PLXNB2: variants seen among roughly 807,000 people sequenced by gnomAD.
The protein encoded by PLXNB2 is plexin-B2.
PLXNB2 carries 85 observed loss-of-function variants against 202.6 expected under a neutral mutation model. The observed-to-expected ratio is 0.42, with a 90% CI of 0.35 to 0.50. The LOEUF (loss-of-function observed/expected upper bound fraction) is 0.50. Ranked by LOEUF, PLXNB2 falls within the 20% of genes least tolerant of loss-of-function variation. The probability of loss-of-function intolerance (pLI) is 0.02; values close to 1 mark genes in which losing one functional copy is unlikely to be tolerated. For synonymous variants in PLXNB2, 1,239 were observed against 1,137.6 expected (o/e 1.09, Z -1.79); for missense variants, 2,063 against 2,586.2 (o/e 0.80, Z 4.39).
In PLXNB2 at chr22:50,282,185, G is replaced by A. The variant is rs372167877; in HGVS notation, c.3116C>T (p.Thr1039Met). Residue 1039 changes from threonine (T) to methionine (M), a missense_variant and splice_region_variant, in exon 19 of 37, where the codon ACG becomes ATG. Physicochemically the swap from Thr to Met is moderately conservative, Grantham distance 81. Around this residue, in one of 2 missense-constraint regions of PLXNB2, gnomAD observed 760 missense variants for 1,109.4 expected, o/e 0.69. Transcript: ENST00000359337. ...AGCTGAGCCCACGCCAGGACTGACC[G>A]TCATGGGCTGCAGGGATTCAGCCTC... ...PREAESLQPM[T>M]VVGTDYVFHN... The A allele has an allele frequency of 4.5e-5, 72 of 1,609,358 alleles. No individual in the cohort carries two copies. Among genetic ancestry groups the A allele is most frequent in the African/African-American group, 1.1e-4 (8 of 74,894 alleles).
At chr22:50,292,801 C>T (rs867138819) in intron 2 of PLXNB2, among the ~76,000 whole-genome samples, 3 of 152,196 alleles carry the variant, frequency 2.0e-5, no homozygotes, top group South Asian at 2.1e-4. Context: ...AAGACGCAAC[C>T]GACCGACAAC....
chr22:50,281,828 G>T, intron 20 of PLXNB2, 26 bp downstream of exon 20: 1 of 1,599,984 alleles, frequency 6.3e-7, no homozygotes, highest in South Asian at 1.1e-5. Context: ...GCAGGACCCA[G>T]ACACCCGGGG....
chr22:50,303,511 C>G (rs2067783580), intron 1 of PLXNB2, among the ~76,000 whole-genome samples: 1 of 152,206 alleles, frequency 6.6e-6, no homozygotes, highest in Non-Finnish European at 1.5e-5. Flanking sequence ...ACACAAGGCT[C>G]GTGGGCAGGA....
Position 50,276,885 on chromosome 22 carries a change from G to A in PLXNB2, c.5218C>T (p.Leu1740=). 1 of 1,602,496 alleles carries A rather than the reference G, an allele frequency of 6.2e-7. No individual in the cohort carries two copies. The highest frequency in any genetic ancestry group is 8.5e-7 in the Non-Finnish European group (1 of 1,174,468). ...TAGGTGGAGATCTCCTTGGCGTACA[G>A]CAGCTTGTTGCTGGGAGAATCCTGT... is the stretch of plus-strand genomic sequence containing the variant. ...LSRDSPSNKL[L]YAKEISTYKK... The change falls in exon 34 of 37, where the codon CTG becomes TTG. Residue 1740 remains leucine (L), a synonymous_variant. Coordinates refer to ENST00000359337, the MANE Select transcript of PLXNB2 (RefSeq NM_012401.4).
rs2066257952 is a variant in PLXNB2 at position 50,284,321 on chromosome 22, G to A, written c.2182-108C>T. On this transcript the variant is annotated intron_variant, in intron 12 of 36. Coordinates refer to ENST00000359337, the MANE Select transcript of PLXNB2 (RefSeq NM_012401.4). This position sits in a 1 kb window ranked among gnomAD's most constrained non-coding sequence, Gnocchi z 8.0. ...GGCCACCGGGTCCCTTCCCAGCCAA[G>A]GGCAGCAGGGGAGGCCTTCAGGTGT... 9.4e-7 allele frequency: 1 copy of A among 1,060,104 alleles called. No homozygotes were observed. The highest frequency in any genetic ancestry group is 2.4e-5 in the East Asian group (1 of 42,266). 65.7% of individuals were successfully genotyped at this position (1,060,104 alleles called of 1,614,324 possible). A position where few individuals can be genotyped will look rare whatever the true frequency, so the allele number is the denominator to read the frequency against.
intron 7 of PLXNB2, 48 bp downstream of exon 7, chr22:50,287,619 C>A (rs930333880): frequency 6.7e-7 from 1 of 1,502,748 alleles, no homozygotes; most frequent in African/African-American, 1.4e-5. Flanking sequence ...GAGCCCCCAC[C>A]TGGCCCGGCC....
chr22:50,284,252 C>A lies in PLXNB2; in HGVS notation c.2182-39G>T. The A allele has an allele frequency of 6.4e-7, 1 of 1,569,784 alleles. No homozygotes were observed. The highest frequency in any genetic ancestry group is 8.8e-7 in the Non-Finnish European group (1 of 1,141,200). On this transcript the variant is annotated intron_variant, in intron 12 of 36. Transcript: ENST00000359337. This position sits in a 1 kb window ranked among gnomAD's most constrained non-coding sequence, Gnocchi z 8.0. ...AGGGGCACACTGCACTTCCTGCCCCCACAGAGGGGCGTGGGGCGGGGGTCA... is the reference window on the plus strand; with the variant it reads ...AGGGGCACACTGCACTTCCTGCCCCAACAGAGGGGCGTGGGGCGGGGGTCA...
At chr22:50,276,789 C>T in intron 34 of PLXNB2, 53 bp downstream of exon 34, 2 of 1,595,424 alleles carry the variant, frequency 1.3e-6, no homozygotes, top group South Asian at 1.1e-5. Context: ...AACCTCCCCG[C>T]AGGGGGTCGA....
In PLXNB2 at chr22:50,284,111, C is replaced by A. The variant is rs2066239393; in HGVS notation, c.2263+21G>T. The stretch of plus-strand genomic sequence containing the variant: ...GCCCACCCGTCCCCTGCCCGCCCCC[C>A]ACTGCGCCCGTGGCCCCCACCATGG... On this transcript the variant is annotated intron_variant, in intron 13 of 36. Transcript: ENST00000359337. The surrounding 1 kb of genome is among the most constrained non-coding windows in gnomAD (Gnocchi z 8.0). 2 of 1,607,786 alleles carry A rather than the reference C, an allele frequency of 1.2e-6. No homozygotes were observed. Among genetic ancestry groups the A allele is most frequent in the Non-Finnish European group, 1.7e-6 (2 of 1,178,362 alleles).
At position 50,285,992 on chromosome 22, in the gene PLXNB2, T is replaced by C. The variant is rs748937712; in HGVS notation, c.1984A>G (p.Met662Val). The change falls in exon 10 of 37, where the codon ATG becomes GTG. Residue 662 changes from methionine to valine, a missense_variant and splice_region_variant. By Grantham distance (21) the Met-to-Val change is conservative. Transcript: ENST00000359337. Reference sequence around the variant, plus strand: ...CCTGAGGCCCCGAGGCCCCTCACCATGTGGGCACGGACGATGCCGTCCTCA... The same window carrying C: ...CCTGAGGCCCCGAGGCCCCTCACCACGTGGGCACGGACGATGCCGTCCTCA... ...NPEDGIVRAH[M>V]EDSCPQFLGP... is the part of the protein sequence containing the mutation. 9 of 1,612,166 alleles carry C rather than the reference T, an allele frequency of 5.6e-6. No individual in the cohort carries two copies. Among genetic ancestry groups the C allele is most frequent in the Admixed American group, 5.0e-5 (3 of 59,990 alleles).
rs201167626 is a variant in PLXNB2 at position 50,281,556 on chromosome 22, G to C, written c.3522+10C>G. On this transcript the variant is annotated intron_variant, in intron 21 of 36. Coordinates refer to ENST00000359337, the MANE Select transcript of PLXNB2 (RefSeq NM_012401.4). ...GTGGGGGCACCCCCCGCCAGTCCCC[G>C]CTCACGCACAATGAACTCGGGCAGG... The C allele has an allele frequency of 4.3e-6, 7 of 1,609,854 alleles. No individual in the cohort carries two copies. The highest frequency in any genetic ancestry group is 1.1e-5 in the South Asian group (1 of 90,958).
At position 50,297,131 on chromosome 22, in the gene PLXNB2, G is replaced by A. The variant is rs561703173; in HGVS notation, c.-73-2353C>T. 2.0e-5 allele frequency among the ~76,000 whole-genome samples: 3 copies of A among 152,336 alleles called. No homozygotes were observed. The East Asian group carries it at 5.8e-4, about 29-fold the overall frequency. ...AGAAAGCTGGGACCCGCGGGGACTG[G>A]AGACTGCAGCTCCCGACGGAGGTGG... On this transcript the variant is annotated intron_variant, in intron 1 of 36. Coordinates refer to ENST00000359337, the MANE Select transcript of PLXNB2 (RefSeq NM_012401.4). The surrounding 1 kb of genome is among the most constrained non-coding windows in gnomAD (Gnocchi z 5.3).
intron 17 of PLXNB2, 78 bp from the exon 18 acceptor site, chr22:50,282,959 T>C (rs2066126694): frequency 1.3e-6 from 2 of 1,555,616 alleles, no homozygotes; most frequent in East Asian, 4.5e-5. Flanking sequence ...GGCCCCGCCA[T>C]CCCCTCAGGG....
rs1025800394 is a variant in PLXNB2, at chr22:50,297,286, C to A, written c.-73-2508G>T. Among the ~76,000 whole-genome samples, 1 of 152,150 alleles carries A rather than the reference C, an allele frequency of 6.6e-6. No individual in the cohort carries two copies. Among genetic ancestry groups the A allele is most frequent in the Admixed American group, 6.5e-5 (1 of 15,288 alleles). ...AGCCTCCACGGGCCCAGGCCCCAGG[C>A]GTGGGCGGGGGCAGCCAAGGTCAGG... is the stretch of plus-strand genomic sequence containing the variant. On this transcript the variant is annotated intron_variant, in intron 1 of 36. Transcript: ENST00000359337. This position sits in a 1 kb window ranked among gnomAD's most constrained non-coding sequence, Gnocchi z 5.3.
Position 50,289,091 on chromosome 22 carries a change from C to A in PLXNB2, c.1120G>T (p.Gly374Cys). 1 of 1,597,070 alleles carries A rather than the reference C, an allele frequency of 6.3e-7. No individual in the cohort carries two copies. ...CGSEHLPYPL[G>C]SRDGLRGTAV... is the part of the protein sequence containing the mutation. ...GTGCCTCTGAGCCCGTCGCGGCTGC[C>A]CAGCGGGTAGGGCAGGTGCTCCGAG... The change falls in exon 4 of 37, where the codon GGC becomes TGC. Residue 374 changes from glycine to cysteine, a missense_variant. By Grantham distance (159) the Gly-to-Cys change is radical. Around this residue, in one of 2 missense-constraint regions of PLXNB2, gnomAD observed 1,303 missense variants for 1,476.8 expected, o/e 0.88. Coordinates refer to ENST00000359337, the MANE Select transcript of PLXNB2 (RefSeq NM_012401.4). The surrounding 1 kb of genome is among the most constrained non-coding windows in gnomAD (Gnocchi z 8.0).
Position 50,280,046 on chromosome 22 carries a change from G to A in PLXNB2, c.4201C>T (p.Leu1401=), listed in dbSNP as rs1428388028. ...AGGCAGATGGACATCCAGTTGGACAGCATCCTCTCCACCACAGTCTCAGAC... is the reference window on the plus strand; with the variant it reads ...AGGCAGATGGACATCCAGTTGGACAACATCCTCTCCACCACAGTCTCAGAC... ...RRSETVVERM[L]SNWMSICLYQ... is the part of the protein sequence containing the mutation. Residue 1401 remains leucine, a synonymous_variant, in exon 26 of 37, where the codon CTG becomes TTG. Transcript: ENST00000359337. 6.2e-7 allele frequency: 1 copy of A among 1,610,314 alleles called. No homozygotes were observed. Among genetic ancestry groups the A allele is most frequent in the South Asian group, 1.1e-5 (1 of 90,620 alleles).
Position 50,276,851 on chromosome 22 carries a change from ATCT to A in PLXNB2, c.5249_5251del (p.Lys1750del), listed in dbSNP as rs1358283474. 6.2e-7 allele frequency: 1 copy of A among 1,606,388 alleles called. No individual in the cohort carries two copies. Among genetic ancestry groups the A allele is most frequent in the Admixed American group, 1.7e-5 (1 of 58,776 alleles). ...GGGCAGGCAGACTTACTCCTCCACC[ATCT>A]TCTTGTAGGTGGAGATCTCCTTGGC... On this transcript the variant is annotated inframe_deletion, in exon 34 of 37. Coordinates refer to ENST00000359337, the MANE Select transcript of PLXNB2 (RefSeq NM_012401.4).
intron 2 of PLXNB2, among the ~76,000 whole-genome samples, chr22:50,293,105 C>T (rs1171121605): frequency 2.6e-5 from 4 of 152,192 alleles, no homozygotes; most frequent in Non-Finnish European, 5.9e-5. Flanking sequence ...GGGTGATCAG[C>T]CAGGAAAAGA....
chr22:50,275,415 T>G lies in PLXNB2; in HGVS notation c.*289A>C. 1 of 523,950 alleles carries G rather than the reference T, an allele frequency of 1.9e-6. No individual in the cohort carries two copies. Among genetic ancestry groups the G allele is most frequent in the Non-Finnish European group, 3.7e-6 (1 of 271,524 alleles). 32.5% of individuals were successfully genotyped at this position (523,950 alleles called of 1,614,324 possible). A position where few individuals can be genotyped will look rare whatever the true frequency, so the allele number is the denominator to read the frequency against. Reference sequence around the variant, plus strand: ...GCCAGCTGCCCCCAGCGTGGCAGCGTAAGGCACATTTTCAAATCACTGGAG... The same window carrying G: ...GCCAGCTGCCCCCAGCGTGGCAGCGGAAGGCACATTTTCAAATCACTGGAG... On this transcript the variant is annotated 3_prime_UTR_variant, in exon 37 of 37. Coordinates refer to ENST00000359337, the MANE Select transcript of PLXNB2 (RefSeq NM_012401.4).
Sources: allele counts gnomAD v4.1 joint callset (sites outside exome capture counted in the v4.1 genomes callset), GRCh38; gene constraint gnomAD v4.1.1; regional missense constraint gnomAD v4.1.1; non-coding constraint Gnocchi (gnomAD v3.1); transcripts MANE v1.5; gene names NCBI Gene and HGNC (gene_info 2026-07-23, HGNC 2026-07-21).